VPS13C: variants seen among roughly 807,000 people sequenced by gnomAD.
VPS13C encodes intermembrane lipid transfer protein VPS13C.
Under a neutral mutation model 456.8 loss-of-function variants are expected in VPS13C, and 358 were observed. The observed-to-expected ratio is 0.78, with a 90% CI of 0.72 to 0.86. VPS13C has a LOEUF of 0.86. Ranked by LOEUF, VPS13C falls within the 40% of genes least tolerant of loss-of-function variation. VPS13C has a pLI of 0.00. For synonymous variants in VPS13C, 1,578 were observed against 1,486.7 expected, an observed-to-expected ratio of 1.06 and a Z score of -1.41; for missense variants, 4,818 against 4,385.4, an observed-to-expected ratio of 1.10 and a Z score of -2.79.
chr15:62,018,001 C>T (rs2047319619), intron 9 of VPS13C, among the ~76,000 whole-genome samples: 2 of 152,282 alleles, frequency 1.3e-5, no homozygotes, highest in South Asian at 4.1e-4. Context: ...AGGTCCTTCA[C>T]GTCCCTTGTA....
chr15:61,872,810 T>C (rs1354274136), intron 78 of VPS13C, among the ~76,000 whole-genome samples: 4 of 152,124 alleles, frequency 2.6e-5, no homozygotes, highest in African/African-American at 9.7e-5. Context: ...ATCACCTATA[T>C]AATTAAGCAG....
intron 66 of VPS13C, among the ~76,000 whole-genome samples, chr15:61,897,523 G>A (rs1351281108): frequency 6.6e-6 from 1 of 152,186 alleles, no homozygotes; most frequent in Admixed American, 6.5e-5. Flanking sequence ...TGAAATGAAT[G>A]ATATGAAGCG....
At chr15:61,991,644 T>A in intron 17 of VPS13C, 29 bp downstream of exon 17, 1 of 1,607,040 alleles carries the variant, frequency 6.2e-7, no homozygotes, top group East Asian at 2.2e-5. Flanking sequence ...CTTAACACTG[T>A]ACAATAAGTT....
Position 61,929,607 on chromosome 15 carries a change from C to G in VPS13C, c.6180G>C (p.Val2060=). The change falls in exon 51 of 85, where the codon GTG becomes GTC. Residue 2060 remains valine, a synonymous_variant. Transcript: ENST00000644861. ...VCASVEFLMT[V]ADFFIKAVPQ... is the part of the protein sequence containing the mutation. ...GCACAGCTTTGATAAAGAAATCTGC[C>G]ACAGTCATCAGAAATTCCACACTGG... The G allele has an allele frequency of 6.2e-7, 1 of 1,614,008 alleles. No individual in the cohort carries two copies. The highest frequency in any genetic ancestry group is 1.3e-5 in the African/African-American group (1 of 74,992).
chr15:62,027,817 G>T (rs1029212764), intron 6 of VPS13C, among the ~76,000 whole-genome samples: 1 of 151,922 alleles, frequency 6.6e-6, no homozygotes, highest in African/African-American at 2.4e-5. Flanking sequence ...ACTTTAATTT[G>T]CCTTTTGCGA....
At chr15:61,993,183 T>C (rs760464460) in intron 16 of VPS13C, among the ~76,000 whole-genome samples, 10 of 152,174 alleles carry the variant, frequency 6.6e-5, no homozygotes, top group Non-Finnish European at 1.5e-4. Flanking sequence ...GAACAGTTTT[T>C]ACAAATCTAA....
intron 45 of VPS13C, among the ~76,000 whole-genome samples, chr15:61,945,134 C>G (rs1567033061): frequency 6.6e-6 from 1 of 152,202 alleles, no homozygotes; most frequent in Admixed American, 6.5e-5. Flanking sequence ...GCCTGCTTCC[C>G]CTTCCACCAT....
rs892846326 is a variant in VPS13C at position 61,946,353 on chromosome 15, T to C, written c.4934A>G (p.Lys1645Arg). 1 of 1,609,588 alleles carries C rather than the reference T, an allele frequency of 6.2e-7. No individual in the cohort carries two copies. The highest frequency in any genetic ancestry group is 8.5e-7 in the Non-Finnish European group (1 of 1,178,118). Residue 1645 changes from lysine (K) to arginine (R), a missense_variant, in exon 44 of 85, where the codon AAA (lysine) becomes AGA (arginine). Around this residue, in one of 3 missense-constraint regions of VPS13C, gnomAD observed 4,552 missense variants for 4,130.6 expected, o/e 1.10. Coordinates refer to ENST00000644861, the MANE Select transcript of VPS13C (RefSeq NM_020821.3). ...PKQTDVFARL[K>R]DIIVMNVDLQ... ...ATCTACATTCATAACTATAATATCT[T>C]TAAGTCTGGCAAACACATCAGTCTG... is the stretch of plus-strand genomic sequence containing the variant.
intron 1 of VPS13C, among the ~76,000 whole-genome samples, chr15:62,047,172 T>C (rs2140751428): frequency 6.6e-6 from 1 of 151,930 alleles, no homozygotes; most frequent in East Asian, 1.9e-4. Flanking sequence ...ACACCTGTAA[T>C]CCCAGCACTT....
At position 61,856,324 on chromosome 15, in the gene VPS13C, G is replaced by A. The variant is rs1193469314; in HGVS notation, c.11038C>T (p.Pro3680Ser). 5.0e-6 allele frequency: 8 copies of A among 1,613,102 alleles called. No homozygotes were observed. The highest frequency in any genetic ancestry group is 2.2e-5 in the East Asian group (1 of 44,806). Residue 3680 changes from proline (P) to serine (S), a missense_variant, in exon 83 of 85, where the codon CCT (proline) becomes TCT (serine). Coordinates refer to ENST00000644861, the MANE Select transcript of VPS13C (RefSeq NM_020821.3). ...TTTAGCACATTTTCACTGACACTAG[G>A]AGGAAATACAAAATCTTCAAATGGA... is the stretch of plus-strand genomic sequence containing the variant. Reference protein sequence around the residue: ...QCPFEDFVFPPSVSENVLKIS... With the variant: ...QCPFEDFVFPSSVSENVLKIS...
intron 13 of VPS13C, 67 bp from the exon 14 acceptor site, chr15:62,008,828 C>T: frequency 9.9e-7 from 1 of 1,008,222 alleles, no homozygotes; most frequent in Non-Finnish European, 1.4e-6. Context: ...AAATTTAATT[C>T]TATTTTTTAG....
At position 62,007,403 on chromosome 15, in the gene VPS13C, T is replaced by C. The variant is rs893521769; in HGVS notation, c.1195A>G (p.Lys399Glu). ...CTCTTGAGTAACTGCCTGTGCTTTT[T>C]TATGTTACTCCATGACCACATCTGT... ...YTQMWSWSNIKKHRQLLKSYK... is the reference protein window; with the variant it reads ...YTQMWSWSNIEKHRQLLKSYK... The change falls in exon 15 of 85, where the codon AAA becomes GAA. Residue 399 changes from lysine to glutamate, a missense_variant. Physicochemically the swap from Lys to Glu is moderately conservative, Grantham distance 56 (BLOSUM62 1). Coordinates refer to ENST00000644861, the MANE Select transcript of VPS13C (RefSeq NM_020821.3). 2 of 1,613,258 alleles carry C rather than the reference T, an allele frequency of 1.2e-6. No individual in the cohort carries two copies. Among genetic ancestry groups the C allele is most frequent in the East Asian group, 2.2e-5 (1 of 44,756 alleles).
chr15:61,866,807 T>G, intron 81 of VPS13C: 1 of 979,694 alleles, frequency 1.0e-6, no homozygotes, highest in Non-Finnish European at 1.2e-6. Flanking sequence ...AATTTATTAT[T>G]TTGATAACTG....
intron 1 of VPS13C, among the ~76,000 whole-genome samples, chr15:62,047,435 CA>C (rs60377771): frequency 1.6e-4 from 21 of 133,918 alleles, no homozygotes; most frequent in South Asian, 2.4e-4. Context: ...GACTCCATCT[CA>C]AAAAAAAAAA....
At chr15:61,918,728 G>C (rs1009873300) in intron 58 of VPS13C, among the ~76,000 whole-genome samples, 2 of 151,966 alleles carry the variant, frequency 1.3e-5, no homozygotes, top group African/African-American at 4.8e-5. Flanking sequence ...CTTTTCATTT[G>C]TATCTGATGT....
intron 66 of VPS13C, among the ~76,000 whole-genome samples, chr15:61,891,691 T>C (rs962492263): frequency 1.3e-5 from 2 of 152,254 alleles, no homozygotes; most frequent in African/African-American, 4.8e-5. Context: ...GGTTTATGGC[T>C]ATCACTCCTT....
chr15:62,031,555 C>T (rs2047821329), intron 5 of VPS13C, among the ~76,000 whole-genome samples: 5 of 152,016 alleles, frequency 3.3e-5, no homozygotes, highest in African/African-American at 1.2e-4. Flanking sequence ...AAATATACTT[C>T]CCAATTCCTG....
At chr15:62,015,537 C>A (rs1455292923) in intron 9 of VPS13C, among the ~76,000 whole-genome samples, 2 of 149,242 alleles carry the variant, frequency 1.3e-5, no homozygotes, top group African/African-American at 2.5e-5. Context: ...AAATGTCCAA[C>A]AATGATAGAC....
At chr15:61,927,423 A>T (rs748500058) in intron 51 of VPS13C, 103 bp from the exon 52 acceptor site, 1 of 840,658 alleles carries the variant, frequency 1.2e-6, no homozygotes, top group Non-Finnish European at 1.9e-6. Flanking sequence ...GTTTTTCTAT[A>T]ACAGATATGG....
Sources: gnomAD v4.1 joint callset for allele counts (sites outside exome capture counted in the v4.1 genomes callset) on GRCh38, gnomAD v4.1.1 for gene constraint, gnomAD v4.1.1 regional missense constraint, MANE v1.5 for transcripts, NCBI Gene and HGNC (gene_info 2026-07-23, HGNC 2026-07-21) for gene names.